The following PATJ variants were observed in gnomAD, a reference collection of about 807,000 sequenced individuals.
The protein encoded by PATJ is PATJ crumbs cell polarity complex component.
A neutral mutation model predicts 224.9 loss-of-function variants in PATJ; 190 were observed. The observed-to-expected ratio is 0.84, with a 90% confidence interval of 0.75 to 0.95. The LOEUF (loss-of-function observed/expected upper bound fraction) is 0.95. Ranked by LOEUF, PATJ falls within the 40% of genes least tolerant of loss-of-function variation. The pLI is 0.00. For missense variants in PATJ, 2,121 were observed against 2,270.3 expected (o/e 0.93, Z 1.34); for synonymous variants, 769 against 820.3 (o/e 0.94, Z 1.07).
intron 31 of PATJ, among the ~76,000 whole-genome samples, chr1:62,057,573 C>A (rs1174935118): frequency 2.0e-5 from 3 of 152,122 alleles, no homozygotes; most frequent in Admixed American, 6.5e-5. Flanking sequence ...ATGGTGGAAA[C>A]AATATATATT....
intron 31 of PATJ, among the ~76,000 whole-genome samples, chr1:62,062,035 G>A (rs957122048): frequency 6.6e-6 from 1 of 152,184 alleles, no homozygotes; most frequent in African/African-American, 2.4e-5. Context: ...ATTGTGAATA[G>A]TGCAGCAATC....
rs539560805 is a variant in PATJ at position 62,127,726 on chromosome 1, G to A, written c.5044-246G>A. Among the ~76,000 whole-genome samples, 3 of 152,242 alleles carry A rather than the reference G, an allele frequency of 2.0e-5. 1 individual carries two copies. Among genetic ancestry groups the A allele is most frequent in the African/African-American group, 4.8e-5 (2 of 41,544 alleles). On this transcript the variant is annotated intron_variant, in intron 39 of 43. Coordinates refer to ENST00000642238, the MANE Select transcript of PATJ (RefSeq NM_001350145.3). ...GGAGGCTGAGGCAGGAAAATCGCTT[G>A]AACCTGGGAGGCGGAAGTTGCAGTG... is the stretch of plus-strand genomic sequence containing the variant.
intron 43 of PATJ, among the ~76,000 whole-genome samples, chr1:62,160,636 G>C (rs1669754111): frequency 6.6e-6 from 1 of 152,074 alleles, no homozygotes; most frequent in Admixed American, 6.6e-5. Context: ...GTGAAATAAG[G>C]TTCTACTTGT....
intron 17 of PATJ, among the ~76,000 whole-genome samples, chr1:61,838,404 G>A (rs1356875661): frequency 1.3e-5 from 2 of 151,678 alleles, no homozygotes; most frequent in Non-Finnish European, 2.9e-5. Flanking sequence ...GCCCAGGCTG[G>A]AGTGCAGTGG....
intron 24 of PATJ, among the ~76,000 whole-genome samples, chr1:61,906,434 C>A (rs1207185934): frequency 6.6e-6 from 1 of 152,132 alleles, no homozygotes; most frequent in African/African-American, 2.4e-5. Flanking sequence ...CTACCCCAAG[C>A]CACCTCAGTA....
intron 17 of PATJ, among the ~76,000 whole-genome samples, chr1:61,845,487 T>C (rs1661779607): frequency 6.6e-6 from 1 of 152,220 alleles, no homozygotes; most frequent in African/African-American, 2.4e-5. Context: ...AGCCTTATGA[T>C]CCCTTGCCTT....
At chr1:62,156,153 A>G (rs1669189878) in intron 43 of PATJ, among the ~76,000 whole-genome samples, 1 of 151,740 alleles carries the variant, frequency 6.6e-6, no homozygotes. Flanking sequence ...AGGCAGGAGA[A>G]TAACTTGAGC....
intron 7 of PATJ, among the ~76,000 whole-genome samples, chr1:61,775,970 C>T (rs1217626360): frequency 6.6e-6 from 1 of 152,110 alleles, no homozygotes; most frequent in Non-Finnish European, 1.5e-5. Context: ...TCAGAAATAA[C>T]TTTAGTTATT....
chr1:61,968,516 C>G (rs1029433468), intron 27 of PATJ, among the ~76,000 whole-genome samples: 3 of 151,928 alleles, frequency 2.0e-5, no homozygotes, highest in African/African-American at 7.3e-5. Flanking sequence ...AACTAGTTCT[C>G]CAAAACTTTA....
At chr1:61,819,385 G>A (rs1656794857) in intron 14 of PATJ, among the ~76,000 whole-genome samples, 1 of 152,080 alleles carries the variant, frequency 6.6e-6, no homozygotes, top group Non-Finnish European at 1.5e-5. Context: ...GTTTATTTAT[G>A]TATTTGCTTT....
At chr1:62,027,692 T>A (rs904253122) in intron 29 of PATJ, among the ~76,000 whole-genome samples, 1 of 150,630 alleles carries the variant, frequency 6.6e-6, no homozygotes, top group Non-Finnish European at 1.5e-5. Context: ...GGTATCTCAT[T>A]GTGATTTTGA....
intron 27 of PATJ, among the ~76,000 whole-genome samples, chr1:61,971,471 A>C (rs906253929): frequency 6.6e-6 from 1 of 151,840 alleles, no homozygotes; most frequent in Non-Finnish European, 1.5e-5. Context: ...AAAATTAGCC[A>C]GGCATGGTGG....
At chr1:61,910,965 A>G (rs1350241628) in intron 25 of PATJ, among the ~76,000 whole-genome samples, 1 of 152,224 alleles carries the variant, frequency 6.6e-6, no homozygotes, top group African/African-American at 2.4e-5. Context: ...TTATCCAGAA[A>G]TAGAAAATAT....
At chr1:62,107,525 T>C (rs1241524545) in intron 33 of PATJ, among the ~76,000 whole-genome samples, 3 of 152,140 alleles carry the variant, frequency 2.0e-5, no homozygotes, top group Non-Finnish European at 4.4e-5. Context: ...CTCAATTTAA[T>C]ATTTTTAGAA....
At chr1:62,012,027 A>C (rs1451423544) in intron 28 of PATJ, among the ~76,000 whole-genome samples, 1 of 151,172 alleles carries the variant, frequency 6.6e-6, no homozygotes, top group African/African-American at 2.4e-5. Context: ...CCTGTCTCAA[A>C]AAAAAAAAAA....
At position 62,144,777 on chromosome 1, in the gene PATJ, A is replaced by AAATATATATATAT. The variant is rs377489788; in HGVS notation, c.5272-3506_5272-3505insATATATATATATA. Reference sequence around the variant, plus strand: ...TAGAATGTTATTTGCAAAAAAAAAAAATATATATATATATATATAATTAGC... The same window carrying AAATATATATATAT: ...TAGAATGTTATTTGCAAAAAAAAAAAAATATATATATATATATATATATATATATATAATTAGC... On this transcript the variant is annotated intron_variant, in intron 41 of 43. Coordinates refer to ENST00000642238, the MANE Select transcript of PATJ (RefSeq NM_001350145.3). Among the ~76,000 whole-genome samples, 194 of 119,086 alleles carry AAATATATATATAT rather than the reference A, an allele frequency of 1.6e-3. 12 individuals carry two copies. In the East Asian group the frequency reaches 0.053, roughly 32 times the overall value. The allele number at this position is 119,086 out of a possible 152,430, so 78.1% of individuals were successfully genotyped here. A position where few individuals can be genotyped will look rare whatever the true frequency, so the allele number is the denominator to read the frequency against.
At chr1:61,876,902 T>C (rs1667402510) in intron 21 of PATJ, among the ~76,000 whole-genome samples, 1 of 152,234 alleles carries the variant, frequency 6.6e-6, no homozygotes, top group Admixed American at 6.5e-5. Context: ...TCATGGGTTA[T>C]AAAACTAAGC....
rs61653676 is a variant in PATJ, at chr1:62,106,158, G to GTATATATATATATATATATATATATATA, written c.4378-2277_4378-2250dup. 1.0e-3 allele frequency among the ~76,000 whole-genome samples: 49 copies of GTATATATATATATATATATATATATATA among 48,038 alleles called. 3 individuals are homozygous for GTATATATATATATATATATATATATATA. The highest frequency in any genetic ancestry group is 1.8e-3 in the Non-Finnish European group (40 of 22,792). 31.5% of individuals were successfully genotyped at this position (48,038 alleles called of 152,430 possible). On this transcript the variant is annotated intron_variant, in intron 33 of 43. Coordinates refer to ENST00000642238, the MANE Select transcript of PATJ (RefSeq NM_001350145.3). The stretch of plus-strand genomic sequence containing the variant: ...TACATGTGTATATGTGTGTGTGTGT[G>GTATATATATATATATATATATATATATA]TATATATATATATATATATATATAT...
chr1:61,929,910 A>G (rs1016262009), intron 27 of PATJ, among the ~76,000 whole-genome samples: 3 of 152,114 alleles, frequency 2.0e-5, no homozygotes, highest in African/African-American at 7.2e-5. Context: ...TTTAAATATC[A>G]CTTTTATGCC....
Sources: allele counts gnomAD v4.1 joint callset (sites outside exome capture counted in the v4.1 genomes callset), GRCh38; gene constraint gnomAD v4.1.1; transcripts MANE v1.5; gene names NCBI Gene and HGNC (gene_info 2026-07-23, HGNC 2026-07-21).